The following CSMD3 variants were observed in gnomAD, a reference collection of about 807,000 sequenced individuals.
The protein encoded by CSMD3 is CUB and Sushi multiple domains 3.
CSMD3 carries 177 observed loss-of-function variants against 435.2 expected under a neutral mutation model. The ratio of observed to expected loss-of-function variants is 0.41; its 90% CI spans 0.36 to 0.46. The LOEUF (loss-of-function observed/expected upper bound fraction) is 0.46, where lower values mean the gene tolerates loss of function less well. Among genes scored for constraint, CSMD3 ranks in the 20% least tolerant of loss-of-function variants. The probability of loss-of-function intolerance (pLI) is 0.34; values close to 1 mark genes in which losing one functional copy is unlikely to be tolerated. For missense variants in CSMD3, 4,265 were observed against 4,504.6 expected (o/e 0.95, Z 1.52); for synonymous variants, 1,656 against 1,520.5 (o/e 1.09, Z -2.07).
chr8:112,283,835 T>C (rs1346464761), intron 58 of CSMD3, among the ~76,000 whole-genome samples: 1 of 151,828 alleles, frequency 6.6e-6, no homozygotes, highest in Non-Finnish European at 1.5e-5. Flanking sequence ...CATATTTTAG[T>C]AGGGTGACTG....
At chr8:112,773,557 G>T (rs1219639270) in intron 13 of CSMD3, among the ~76,000 whole-genome samples, 1 of 152,016 alleles carries the variant, frequency 6.6e-6, no homozygotes, top group Non-Finnish European at 1.5e-5. Flanking sequence ...CAACAGTGAA[G>T]GAGTATTTTT....
At chr8:113,112,157 G>A (rs969420267) in intron 4 of CSMD3, among the ~76,000 whole-genome samples, 1 of 151,590 alleles carries the variant, frequency 6.6e-6, no homozygotes, top group African/African-American at 2.4e-5. Flanking sequence ...CTCAGCTGGA[G>A]ATCTCTCCAA....
intron 1 of CSMD3, among the ~76,000 whole-genome samples, chr8:113,436,090 T>C (rs1446651048): frequency 1.3e-5 from 2 of 152,092 alleles, no homozygotes; most frequent in Non-Finnish European, 2.9e-5. Flanking sequence ...TTGCCAAACC[T>C]CTACCACAGG....
intron 3 of CSMD3, among the ~76,000 whole-genome samples, chr8:113,244,047 T>A (rs2093249842): frequency 6.6e-6 from 1 of 152,218 alleles, no homozygotes. Context: ...TATCTATCTT[T>A]CAAATTATGT....
intron 10 of CSMD3, among the ~76,000 whole-genome samples, chr8:112,901,817 C>G (rs185132331): frequency 2.6e-4 from 39 of 151,314 alleles, no homozygotes; most frequent in Admixed American, 1.3e-3. Flanking sequence ...ACCTCAGTTA[C>G]CATTCTACCC....
intron 4 of CSMD3, among the ~76,000 whole-genome samples, chr8:113,110,693 G>A (rs2090613137): frequency 6.6e-6 from 1 of 152,040 alleles, no homozygotes. Context: ...AGTAATGCAG[G>A]CTTTTTCAGC....
intron 10 of CSMD3, among the ~76,000 whole-genome samples, chr8:112,877,941 C>G (rs1023740035): frequency 2.0e-5 from 3 of 151,898 alleles, no homozygotes; most frequent in Admixed American, 2.0e-4. Flanking sequence ...AGACTTAAAC[C>G]TAAAACCTAA....
At chr8:112,887,195 TTTG>T (rs1374818870) in intron 10 of CSMD3, among the ~76,000 whole-genome samples, 2 of 137,294 alleles carry the variant, frequency 1.5e-5, no homozygotes, top group Non-Finnish European at 3.2e-5. Flanking sequence ...GTTACAATTA[TTTG>T]TTTTTTTTTT....
intron 3 of CSMD3, among the ~76,000 whole-genome samples, chr8:113,174,208 G>A (rs969786607): frequency 2.0e-5 from 3 of 152,074 alleles, no homozygotes; most frequent in African/African-American, 7.2e-5. Context: ...AAGTAAAACT[G>A]AGGATAATAT....
At chr8:113,386,842 A>G (rs746110581) in intron 1 of CSMD3, among the ~76,000 whole-genome samples, 2 of 151,906 alleles carry the variant, frequency 1.3e-5, no homozygotes, top group Non-Finnish European at 2.9e-5. Context: ...ATTACTTCAA[A>G]TGTTTCTCAA....
At chr8:112,879,794 A>G (rs2081396761) in intron 10 of CSMD3, among the ~76,000 whole-genome samples, 1 of 152,086 alleles carries the variant, frequency 6.6e-6, no homozygotes. Flanking sequence ...GCTGGAAACC[A>G]TCACTCTCAG....
intron 1 of CSMD3, among the ~76,000 whole-genome samples, chr8:113,390,227 A>G (rs529874583): frequency 1.8e-4 from 27 of 151,870 alleles, no homozygotes; most frequent in African/African-American, 5.8e-4. Context: ...ATTTATTTCT[A>G]TCCTCTGAAT....
At chr8:112,225,217 T>G (rs1185809160) in intron 70 of CSMD3, among the ~76,000 whole-genome samples, 1 of 152,058 alleles carries the variant, frequency 6.6e-6, no homozygotes, top group Admixed American at 6.6e-5. Context: ...AATTAGAAAT[T>G]ATTATGACTT....
chr8:113,192,840 G>T (rs764871638), intron 3 of CSMD3, among the ~76,000 whole-genome samples: 20 of 150,766 alleles, frequency 1.3e-4, no homozygotes, highest in Non-Finnish European at 2.5e-4. Context: ...GTTTGTTTTG[G>T]ACTTTAGCTT....
At chr8:112,516,581 A>C (rs1225054529) in intron 28 of CSMD3, among the ~76,000 whole-genome samples, 2 of 152,164 alleles carry the variant, frequency 1.3e-5, no homozygotes, top group Non-Finnish European at 2.9e-5. Context: ...ATAAAAACCA[A>C]TATTCCTTTG....
chr8:112,545,259 G>A (rs775412642), intron 27 of CSMD3, among the ~76,000 whole-genome samples: 2 of 151,854 alleles, frequency 1.3e-5, no homozygotes, highest in African/African-American at 2.4e-5. Context: ...TGAGGCGGGC[G>A]GATCACAAGG....
At chr8:112,678,556 C>G (rs1022756534) in intron 16 of CSMD3, among the ~76,000 whole-genome samples, 1 of 152,034 alleles carries the variant, frequency 6.6e-6, no homozygotes, top group Non-Finnish European at 1.5e-5. Context: ...GAAAGAAAGC[C>G]AAGTAATGAT....
At chr8:113,371,271 AC>A (rs1160406960) in intron 1 of CSMD3, among the ~76,000 whole-genome samples, 2 of 152,110 alleles carry the variant, frequency 1.3e-5, no homozygotes, top group Non-Finnish European at 2.9e-5. Context: ...TTTTAAAAAA[AC>A]ATTTATAAGG....
At chr8:112,865,314 C>A (rs1042392017) in intron 10 of CSMD3, among the ~76,000 whole-genome samples, 27 of 152,002 alleles carry the variant, frequency 1.8e-4, no homozygotes, top group African/African-American at 6.5e-4. Flanking sequence ...GTTAAGGATT[C>A]TTTTTTGCAC....
Sources: allele counts gnomAD v4.1 joint callset (sites outside exome capture counted in the v4.1 genomes callset), GRCh38; gene constraint gnomAD v4.1.1; transcripts MANE v1.5; gene names NCBI Gene and HGNC (gene_info 2026-07-23, HGNC 2026-07-21).